Variants in PSME4 observed in about 807,000 individuals in gnomAD.
PSME4 encodes the protein proteasome activator subunit 4, also known as proteasome activator complex subunit 4.
PSME4 carries 89 observed loss-of-function variants against 253.9 expected under a neutral mutation model. The ratio of observed to expected loss-of-function variants is 0.35; its 90% CI spans 0.30 to 0.42. The LOEUF (loss-of-function observed/expected upper bound fraction) is 0.42, where lower values mean the gene tolerates loss of function less well. PSME4 is among the 10% of genes least tolerant of loss of function. PSME4 has a pLI of 1.00. For missense variants in PSME4, 2,014 were observed against 2,195.2 expected, an observed-to-expected ratio of 0.92 and a Z score of 1.65; for synonymous variants, 851 against 759.2, an observed-to-expected ratio of 1.12 and a Z score of -1.99.
chr2:53,895,295 G>C (rs1056018280), intron 33 of PSME4, among the ~76,000 whole-genome samples: 2 of 152,096 alleles, frequency 1.3e-5, no homozygotes, highest in African/African-American at 4.8e-5. Context: ...TATTTCTCTG[G>C]GCTGGTTTAG....
intron 43 of PSME4, chr2:53,869,793 A>C (rs1439396174): frequency 5.7e-5 from 15 of 262,172 alleles, no homozygotes; most frequent in Non-Finnish European, 8.6e-5. Context: ...ATTTCTCCAT[A>C]AATTATTTTC....
intron 1 of PSME4, among the ~76,000 whole-genome samples, chr2:53,949,951 T>C (rs757652618): frequency 6.6e-6 from 1 of 152,182 alleles, no homozygotes; most frequent in Non-Finnish European, 1.5e-5. Flanking sequence ...CTCACTATTA[T>C]GCAGTAAAAA....
At chr2:53,909,998 C>A in intron 21 of PSME4, 77 bp downstream of exon 21, 2 of 1,189,868 alleles carry the variant, frequency 1.7e-6, no homozygotes, top group Non-Finnish European at 2.5e-6. Context: ...AACACTACTT[C>A]ATACTTCATT....
chr2:53,881,706 C>T (rs574342458), intron 41 of PSME4, among the ~76,000 whole-genome samples: 2 of 151,936 alleles, frequency 1.3e-5, no homozygotes, highest in Admixed American at 6.6e-5. Context: ...TGTCTCAGAC[C>T]CCTGGGTAGC....
At chr2:53,938,491 T>C (rs962395642) in intron 4 of PSME4, among the ~76,000 whole-genome samples, 5 of 150,850 alleles carry the variant, frequency 3.3e-5, no homozygotes, top group Admixed American at 1.3e-4. Flanking sequence ...TTTTTTTTTT[T>C]AAAGACAAGA....
At chr2:53,878,487 G>A (rs1679235569) in intron 41 of PSME4, among the ~76,000 whole-genome samples, 1 of 152,202 alleles carries the variant, frequency 6.6e-6, no homozygotes, top group Admixed American at 6.5e-5. Flanking sequence ...CTTAAACTCT[G>A]GCTGCCTGTG....
chr2:53,886,407 T>C (rs1195766791), intron 40 of PSME4, among the ~76,000 whole-genome samples: 1 of 152,130 alleles, frequency 6.6e-6, no homozygotes, highest in Non-Finnish European at 1.5e-5. Context: ...ATGAATGACA[T>C]GAGTAGATAT....
At position 53,949,201 on chromosome 2, in the gene PSME4, G is replaced by A. The variant is rs775524612; in HGVS notation, c.325C>T (p.Pro109Ser). ...IKLLYELVSI[P>S]KLEISMMQGF... is the part of the protein sequence containing the mutation. Reference sequence around the variant, plus strand: ...TGCATCATGCTGATTTCCAGTTTTGGAATTGATACCAGCTCATACAATAAC... The same window carrying A: ...TGCATCATGCTGATTTCCAGTTTTGAAATTGATACCAGCTCATACAATAAC... Residue 109 changes from proline (P) to serine (S), a missense_variant, in exon 2 of 47, where the codon CCA becomes TCA. Physicochemically the swap from Pro to Ser is moderately conservative, Grantham distance 74. Coordinates refer to ENST00000404125, the MANE Select transcript of PSME4 (RefSeq NM_014614.3). 2 of 1,611,708 alleles carry A rather than the reference G, an allele frequency of 1.2e-6. No individual in the cohort carries two copies. Among genetic ancestry groups the A allele is most frequent in the South Asian group, 1.1e-5 (1 of 90,466 alleles).
intron 27 of PSME4, 138 bp downstream of exon 27, chr2:53,903,887 T>C (rs1480237687): frequency 6.0e-6 from 4 of 668,966 alleles, no homozygotes; most frequent in Admixed American, 3.1e-5. Flanking sequence ...AGAACAGATA[T>C]GCGATAAAGC....
chr2:53,908,353 G>A lies in PSME4; in HGVS notation c.2751C>T (p.Ser917=), dbSNP rs900330956. The change falls in exon 24 of 47, where the codon AGC becomes AGT. Residue 917 remains serine (S), a synonymous_variant. Transcript: ENST00000404125. ...CCATTGATTTCTTTACTAAGTTGAAGCTTTTCCATCGGGAGTCAAATTCAT... is the reference window on the plus strand; with the variant it reads ...CCATTGATTTCTTTACTAAGTTGAAACTTTTCCATCGGGAGTCAAATTCAT... ...HKHEFDSRWK[S]FNLVKKSMEN... is the part of the protein sequence containing the mutation. 13 of 1,612,564 alleles carry A rather than the reference G, an allele frequency of 8.1e-6. No individual in the cohort carries two copies. In the African/African-American group the frequency reaches 1.2e-4, roughly 15 times the overall value.
At chr2:53,893,860 G>C (rs1314551628) in intron 34 of PSME4, 61 bp from the exon 35 acceptor site, 1 of 1,496,806 alleles carries the variant, frequency 6.7e-7, no homozygotes. Context: ...ACATGATTCT[G>C]AAAAAGTTAA....
chr2:53,865,420 C>T lies in PSME4; in HGVS notation c.*158G>A, dbSNP rs1678519278. 6.6e-6 allele frequency: 1 copy of T among 151,464 alleles called. No homozygotes were observed. The highest frequency in any genetic ancestry group is 1.5e-5 in the Non-Finnish European group (1 of 67,868). 9.4% of individuals were successfully genotyped at this position (151,464 alleles called of 1,614,324 possible). On this transcript the variant is annotated 3_prime_UTR_variant, in exon 47 of 47. Transcript: ENST00000404125. Reference sequence around the variant, plus strand: ...GGGAAATCAAATGGCAACTGAGAAGCTGTGGAATGCAGACTAACGAGATCT... The same window carrying T: ...GGGAAATCAAATGGCAACTGAGAAGTTGTGGAATGCAGACTAACGAGATCT...
chr2:53,898,633 G>GTACACACACA (rs202043988), intron 29 of PSME4, among the ~76,000 whole-genome samples: 147 of 142,504 alleles, frequency 1.0e-3, no homozygotes, highest in African/African-American at 1.4e-3. Context: ...ATTGGGAGTG[G>GTACACACACA]CACACACACA....
chr2:53,873,238 C>CAAAAAAAAAA (rs60203960), intron 43 of PSME4, among the ~76,000 whole-genome samples: 10 of 123,144 alleles, frequency 8.1e-5, no homozygotes, highest in Admixed American at 2.5e-4. Context: ...GACTCCGTCT[C>CAAAAAAAAAA]AAAAAAAAAG....
chr2:53,869,372 T>A lies in PSME4; in HGVS notation c.5263+4A>T. 6.3e-7 allele frequency: 1 copy of A among 1,597,614 alleles called. No individual in the cohort carries two copies. The highest frequency in any genetic ancestry group is 8.6e-7 in the Non-Finnish European group (1 of 1,167,430). On this transcript the variant is annotated splice_donor_region_variant and intron_variant, in intron 44 of 46. Transcript: ENST00000404125. ...ATACAGGTGTTTCCTACCAGCAATG[T>A]TACCTGCAGAAGGAATGGTATCTCC...
chr2:53,955,036 T>C (rs1383319927), intron 1 of PSME4, among the ~76,000 whole-genome samples: 1 of 151,854 alleles, frequency 6.6e-6, no homozygotes, highest in Non-Finnish European at 1.5e-5. Context: ...CCAGGTGTGA[T>C]GGCACGTGCC....
chr2:53,967,381 G>A (rs1470293185), intron 1 of PSME4, among the ~76,000 whole-genome samples: 1 of 151,934 alleles, frequency 6.6e-6, no homozygotes, highest in Admixed American at 6.6e-5. Context: ...GGCTGGGGCG[G>A]TGGCTCAGCC....
chr2:53,915,749 T>A (rs1270549017), intron 20 of PSME4, among the ~76,000 whole-genome samples: 1 of 151,908 alleles, frequency 6.6e-6, no homozygotes, highest in African/African-American at 2.4e-5. Flanking sequence ...TTATCTAAGA[T>A]TTATATAAGT....
chr2:53,867,457 C>T (rs1255692193), intron 44 of PSME4, among the ~76,000 whole-genome samples: 1 of 147,568 alleles, frequency 6.8e-6, no homozygotes, highest in Non-Finnish European at 1.5e-5. Context: ...CAAGATCGCA[C>T]CACTGTACTC....
Sources: gnomAD v4.1 joint callset for allele counts (sites outside exome capture counted in the v4.1 genomes callset) on GRCh38, gnomAD v4.1.1 for gene constraint, MANE v1.5 for transcripts, NCBI Gene and HGNC (gene_info 2026-07-23, HGNC 2026-07-21) for gene names.